The following PIP4K2A variants were observed in gnomAD, a reference collection of about 807,000 sequenced individuals.
PIP4K2A encodes the protein phosphatidylinositol-5-phosphate 4-kinase type 2 alpha.
Under a neutral mutation model 42.9 loss-of-function variants are expected in PIP4K2A, and 14 were observed. The observed-to-expected ratio is 0.33, with a 90% CI of 0.22 to 0.51. PIP4K2A has a LOEUF of 0.51. PIP4K2A is among the 20% of genes least tolerant of loss of function. The probability of loss-of-function intolerance (pLI) is 0.97; values close to 1 mark genes in which losing one functional copy is unlikely to be tolerated. For synonymous variants in PIP4K2A, 192 were observed against 192.2 expected (o/e 1.00, Z 0.01); for missense variants, 434 against 519.8 (o/e 0.83, Z 1.61).
chr10:22,640,969 T>C (rs72816855), intron 1 of PIP4K2A, among the ~76,000 whole-genome samples: 1 of 152,256 alleles, frequency 6.6e-6, no homozygotes, highest in Non-Finnish European at 1.5e-5. Flanking sequence ...AATATAAAAT[T>C]TTATTCATAT....
rs528781129 is a variant in PIP4K2A, at chr10:22,666,352, G to A, written c.144+47831C>T. On this transcript the variant is annotated intron_variant, in intron 1 of 9. Coordinates refer to ENST00000376573, the MANE Select transcript of PIP4K2A (RefSeq NM_005028.5). Reference sequence around the variant, plus strand: ...TATGATGGCCATCTAAACTCCAGGGGGAGAAAAACGTACCCTCATATAAAA... The same window carrying A: ...TATGATGGCCATCTAAACTCCAGGGAGAGAAAAACGTACCCTCATATAAAA... 5.3e-5 allele frequency among the ~76,000 whole-genome samples: 8 copies of A among 152,216 alleles called. No individual in the cohort carries two copies. In the East Asian group the frequency reaches 1.5e-3, roughly 29 times the overall value.
chr10:22,707,953 T>C (rs1175264985), intron 1 of PIP4K2A, among the ~76,000 whole-genome samples: 7 of 152,146 alleles, frequency 4.6e-5, no homozygotes, highest in Admixed American at 1.3e-4. Flanking sequence ...TGGACTGCCA[T>C]AGGAGTTCCT....
At chr10:22,687,750 A>G (rs907024836) in intron 1 of PIP4K2A, among the ~76,000 whole-genome samples, 3 of 152,128 alleles carry the variant, frequency 2.0e-5, no homozygotes, top group Non-Finnish European at 2.9e-5. Context: ...TATAATCCCA[A>G]ATATAAAGTA....
At position 22,670,952 on chromosome 10, in the gene PIP4K2A, G is replaced by C. The variant is rs540208899; in HGVS notation, c.144+43231C>G. 2.6e-5 allele frequency among the ~76,000 whole-genome samples: 4 copies of C among 152,290 alleles called. No homozygotes were observed. In the East Asian group the frequency reaches 7.7e-4, roughly 29 times the overall value. On this transcript the variant is annotated intron_variant, in intron 1 of 9. Coordinates refer to ENST00000376573, the MANE Select transcript of PIP4K2A (RefSeq NM_005028.5). ...TCCTGGAATAAATTGGCTCAGAGAAGAAAGAGCAGAGAAGCAGTCATCATA... is the reference window on the plus strand; with the variant it reads ...TCCTGGAATAAATTGGCTCAGAGAACAAAGAGCAGAGAAGCAGTCATCATA...
intron 1 of PIP4K2A, among the ~76,000 whole-genome samples, chr10:22,611,418 A>C (rs886486012): frequency 1.3e-5 from 2 of 150,646 alleles, no homozygotes; most frequent in Non-Finnish European, 3.0e-5. Flanking sequence ...ACAACAACAA[A>C]AAAAAAACAA....
intron 1 of PIP4K2A, among the ~76,000 whole-genome samples, chr10:22,713,244 AG>A (rs1369101346): frequency 6.6e-6 from 1 of 152,216 alleles, no homozygotes; most frequent in African/African-American, 2.4e-5. Flanking sequence ...CAGTCCGCAT[AG>A]CCCGCAGCGG....
chr10:22,535,863 A>T lies in PIP4K2A; in HGVS notation c.*1338T>A, dbSNP rs1053718193. 3.1e-5 allele frequency: 11 copies of T among 352,462 alleles called. No homozygotes were observed. The highest frequency in any genetic ancestry group is 5.5e-5 in the Non-Finnish European group (11 of 200,434). The allele number at this position is 352,462 out of a possible 1,614,324, so 21.8% of individuals were successfully genotyped here. A position where few individuals can be genotyped will look rare whatever the true frequency, so the allele number is the denominator to read the frequency against. ...AAATCTCTTTTTAAAAAAATCAATC[A>T]TTAGGTTGATAAATGTACATTTGGA... On this transcript the variant is annotated 3_prime_UTR_variant, in exon 10 of 10. Coordinates refer to ENST00000376573, the MANE Select transcript of PIP4K2A (RefSeq NM_005028.5).
chr10:22,680,269 TATAA>T (rs1839633623), intron 1 of PIP4K2A, among the ~76,000 whole-genome samples: 1 of 152,160 alleles, frequency 6.6e-6, no homozygotes, highest in Non-Finnish European at 1.5e-5. Context: ...AGTACAAAAC[TATAA>T]ATAAATTTTA....
intron 4 of PIP4K2A, among the ~76,000 whole-genome samples, chr10:22,591,016 T>A (rs772441549): frequency 6.6e-6 from 1 of 152,216 alleles, no homozygotes; most frequent in Non-Finnish European, 1.5e-5. Flanking sequence ...TGGGAACATG[T>A]GCTCTACCAG....
intron 1 of PIP4K2A, among the ~76,000 whole-genome samples, chr10:22,636,962 G>T (rs1209140139): frequency 6.6e-6 from 1 of 152,244 alleles, no homozygotes; most frequent in African/African-American, 2.4e-5. Flanking sequence ...ACGTGAGTGA[G>T]ACCAGAAGAA....
chr10:22,650,936 T>C (rs1838981783), intron 1 of PIP4K2A, among the ~76,000 whole-genome samples: 1 of 152,074 alleles, frequency 6.6e-6, no homozygotes. Context: ...GGCCACGGCC[T>C]CTCAAGCCTA....
chr10:22,575,147 C>G (rs532882708), intron 4 of PIP4K2A, among the ~76,000 whole-genome samples: 1 of 152,284 alleles, frequency 6.6e-6, no homozygotes, highest in East Asian at 1.9e-4. Flanking sequence ...AAGAGTATGT[C>G]AAAATACTTC....
rs141103599 is a variant in PIP4K2A at position 22,651,334 on chromosome 10, C to T, written c.145-41617G>A. 1.3e-3 allele frequency among the ~76,000 whole-genome samples: 193 copies of T among 152,336 alleles called. 4 individuals carry two copies. In the East Asian group the frequency reaches 0.03, roughly 24 times the overall value. On this transcript the variant is annotated intron_variant, in intron 1 of 9. Coordinates refer to ENST00000376573, the MANE Select transcript of PIP4K2A (RefSeq NM_005028.5). ...CACTATTCCCAGCCTCAAAAGATGACTTCCAATTGCTCTTAGGAAAAATCC... is the reference window on the plus strand; with the variant it reads ...CACTATTCCCAGCCTCAAAAGATGATTTCCAATTGCTCTTAGGAAAAATCC...
intron 6 of PIP4K2A, among the ~76,000 whole-genome samples, chr10:22,559,096 C>T (rs181050387): frequency 2.0e-5 from 3 of 152,216 alleles, no homozygotes; most frequent in East Asian, 3.9e-4. Context: ...GATTCTGGTG[C>T]GCAGATATCT....
At chr10:22,699,938 T>C (rs1273103526) in intron 1 of PIP4K2A, among the ~76,000 whole-genome samples, 2 of 152,164 alleles carry the variant, frequency 1.3e-5, no homozygotes, top group Admixed American at 6.5e-5. Flanking sequence ...CTAATAGATA[T>C]ATAATGGACT....
At chr10:22,575,350 G>A (rs1009343713) in intron 4 of PIP4K2A, among the ~76,000 whole-genome samples, 4 of 152,110 alleles carry the variant, frequency 2.6e-5, no homozygotes, top group East Asian at 1.9e-4. Flanking sequence ...GGGACACACC[G>A]ATTTTGGTTT....
rs1839854268 is a variant in PIP4K2A, at chr10:22,690,854, G to A, written c.144+23329C>T. 2.6e-5 allele frequency among the ~76,000 whole-genome samples: 4 copies of A among 152,298 alleles called. No individual in the cohort carries two copies. In the South Asian group the frequency reaches 8.3e-4, roughly 32 times the overall value. On this transcript the variant is annotated intron_variant, in intron 1 of 9. Transcript: ENST00000376573. Reference sequence around the variant, plus strand: ...TGCATTGATTGCAAAATCACCATATGTATTTCCTCTAAACAAGAAAAAAAT... The same window carrying A: ...TGCATTGATTGCAAAATCACCATATATATTTCCTCTAAACAAGAAAAAAAT...
chr10:22,662,479 C>T (rs1489002915), intron 1 of PIP4K2A, among the ~76,000 whole-genome samples: 6 of 152,148 alleles, frequency 3.9e-5, no homozygotes, highest in East Asian at 1.9e-4. Context: ...GATATTTGTG[C>T]GTACGACAAT....
chr10:22,616,125 G>A (rs539887818), intron 1 of PIP4K2A, among the ~76,000 whole-genome samples: 14 of 152,286 alleles, frequency 9.2e-5, no homozygotes, highest in South Asian at 8.3e-4. Context: ...CAAACGGGGC[G>A]GAGAGGGCTA....
Sources: allele counts gnomAD v4.1 joint callset (sites outside exome capture counted in the v4.1 genomes callset), GRCh38; gene constraint gnomAD v4.1.1; transcripts MANE v1.5; gene names NCBI Gene and HGNC (gene_info 2026-07-23, HGNC 2026-07-21).